Variants in WWOX observed in about 807,000 individuals in gnomAD.
The protein encoded by WWOX is WW domain-containing oxidoreductase.
In WWOX, 69 loss-of-function variants were observed where a neutral mutation model predicts 46.2. The ratio of observed to expected loss-of-function variants is 1.49; its 90% CI spans 1.23 to 1.82. The LOEUF (loss-of-function observed/expected upper bound fraction) is 1.82. WWOX is among the 40% of genes most tolerant of loss of function. The pLI, the probability that WWOX is intolerant of heterozygous loss-of-function variation, is 0.00. For synonymous variants in WWOX, 359 were observed against 202.6 expected (o/e 1.77, Z -6.56); for missense variants, 919 against 542.6 (o/e 1.69, Z -6.89).
At chr16:78,428,278 G>C (rs1000506052) in intron 7 of WWOX, among the ~76,000 whole-genome samples, 12 of 152,212 alleles carry the variant, frequency 7.9e-5, no homozygotes, top group African/African-American at 1.2e-4. Flanking sequence ...AGCATCTAAA[G>C]AGTTGTTTTA....
At chr16:78,404,465 A>G (rs902987266) in intron 6 of WWOX, among the ~76,000 whole-genome samples, 2 of 152,142 alleles carry the variant, frequency 1.3e-5, no homozygotes, top group East Asian at 3.9e-4. Flanking sequence ...TTCCCTCTTT[A>G]AATAATGCCA....
chr16:78,730,748 C>T (rs987665095), intron 8 of WWOX, among the ~76,000 whole-genome samples: 1 of 151,690 alleles, frequency 6.6e-6, no homozygotes, highest in African/African-American at 2.4e-5. Context: ...GTATAAACCA[C>T]CAACCCAGCC....
At chr16:78,903,985 A>G in intron 8 of WWOX, among the ~76,000 whole-genome samples, 1 of 152,082 alleles carries the variant, frequency 6.6e-6, no homozygotes, top group East Asian at 1.9e-4. Flanking sequence ...TGTGTAGTAA[A>G]TGGCTGCAGC....
At chr16:78,637,545 C>T (rs2046603631) in intron 8 of WWOX, among the ~76,000 whole-genome samples, 1 of 152,182 alleles carries the variant, frequency 6.6e-6, no homozygotes, top group Non-Finnish European at 1.5e-5. Flanking sequence ...GTCCACCTGA[C>T]ATTGGAAATT....
chr16:78,711,351 C>A (rs557742780), intron 8 of WWOX, among the ~76,000 whole-genome samples: 4 of 152,164 alleles, frequency 2.6e-5, no homozygotes, highest in Admixed American at 1.3e-4. Flanking sequence ...AATAGTTCTT[C>A]AAAAAATAGG....
intron 8 of WWOX, among the ~76,000 whole-genome samples, chr16:79,211,041 G>GTGTGTGTC (rs1407761937): frequency 6.9e-6 from 1 of 145,352 alleles, no homozygotes; most frequent in African/African-American, 2.8e-5. Context: ...AGGAGTGTGT[G>GTGTGTGTC]TGTGTGTGTG....
chr16:79,196,965 T>A (rs1450221569), intron 8 of WWOX, among the ~76,000 whole-genome samples: 1 of 152,074 alleles, frequency 6.6e-6, no homozygotes, highest in Non-Finnish European at 1.5e-5. Context: ...TGAAATGGGG[T>A]TATTATCTAC....
intron 5 of WWOX, among the ~76,000 whole-genome samples, chr16:78,266,728 C>T (rs981060484): frequency 6.6e-6 from 1 of 151,634 alleles, no homozygotes; most frequent in Non-Finnish European, 1.5e-5. Flanking sequence ...CTAAACTCAT[C>T]GCTTCCAACA....
intron 8 of WWOX, among the ~76,000 whole-genome samples, chr16:78,666,641 G>C (rs1597416243): frequency 6.6e-6 from 1 of 152,190 alleles, no homozygotes; most frequent in East Asian, 1.9e-4. Flanking sequence ...AACAAGATCT[G>C]CTGATTGGCA....
At chr16:78,126,945 A>G (rs940692108) in intron 4 of WWOX, among the ~76,000 whole-genome samples, 4 of 152,212 alleles carry the variant, frequency 2.6e-5, no homozygotes, top group Non-Finnish European at 5.9e-5. Flanking sequence ...GCATTCTCTC[A>G]TTTGATGAGC....
At chr16:78,987,380 C>T (rs1212707422) in intron 8 of WWOX, among the ~76,000 whole-genome samples, 1 of 152,150 alleles carries the variant, frequency 6.6e-6, no homozygotes, top group Non-Finnish European at 1.5e-5. Flanking sequence ...GAATATTTTC[C>T]TAGCAAAGGC....
In WWOX at chr16:78,424,960, T is replaced by A. The variant is rs569529954; in HGVS notation, c.696T>A (p.Asn232Lys). 3 of 1,614,170 alleles carry A rather than the reference T, an allele frequency of 1.9e-6. No individual in the cohort carries two copies. The highest frequency in any genetic ancestry group is 1.7e-5 in the Admixed American group (1 of 60,016). ...KDGLETTFQV[N>K]HLGHFYLVQL... is the part of the protein sequence containing the mutation. ...GCCTGGAGACCACCTTTCAAGTGAA[T>A]CATCTGGGGCACTTCTACCTTGTCC... The change falls in exon 7 of 9, where the codon AAT becomes AAA. Residue 232 changes from asparagine (N) to lysine (K), a missense_variant. Transcript: ENST00000566780.
intron 8 of WWOX, among the ~76,000 whole-genome samples, chr16:78,485,875 C>A (rs1712632925): frequency 6.6e-6 from 1 of 152,194 alleles, no homozygotes; most frequent in South Asian, 2.1e-4. Flanking sequence ...CAGCATGGAT[C>A]ACTTGGCGAC....
At chr16:78,425,088 C>T (rs180692241) in intron 7 of WWOX, 33 bp downstream of exon 7, 1 of 1,610,808 alleles carries the variant, frequency 6.2e-7, no homozygotes. Flanking sequence ...TTCACTTATC[C>T]CCTTTCTCAT....
At chr16:78,853,290 G>A (rs1191263463) in intron 8 of WWOX, among the ~76,000 whole-genome samples, 2 of 151,852 alleles carry the variant, frequency 1.3e-5, no homozygotes, top group Admixed American at 6.6e-5. Flanking sequence ...GCGTGATCTC[G>A]GCTCACTGCA....
rs530078253 is a variant in WWOX, at chr16:78,292,626, T to A, written c.517-94234T>A. ...AGATTATGTTCTATATCTTTTTTTTTTAAAAAAAAGGAAGAAAAATAAAGC... is the reference window on the plus strand; with the variant it reads ...AGATTATGTTCTATATCTTTTTTTTATAAAAAAAAGGAAGAAAAATAAAGC... On this transcript the variant is annotated intron_variant, in intron 5 of 8. Coordinates refer to ENST00000566780, the MANE Select transcript of WWOX (RefSeq NM_016373.4). Among the ~76,000 whole-genome samples the A allele has an allele frequency of 1.5e-3, 222 of 152,030 alleles. 1 individual carries two copies. In the South Asian group the frequency reaches 0.033, roughly 22 times the overall value.
intron 8 of WWOX, among the ~76,000 whole-genome samples, chr16:78,718,013 A>C (rs1369054585): frequency 3.3e-5 from 5 of 151,678 alleles, no homozygotes; most frequent in African/African-American, 4.9e-5. Flanking sequence ...TTGCTTGGGA[A>C]AGCACAATGG....
intron 8 of WWOX, among the ~76,000 whole-genome samples, chr16:79,032,122 GTA>G (rs1159528060): frequency 2.1e-5 from 3 of 143,846 alleles, no homozygotes; most frequent in African/African-American, 7.6e-5. Flanking sequence ...ATAAATATGT[GTA>G]TATATATATT....
intron 8 of WWOX, among the ~76,000 whole-genome samples, chr16:78,647,231 A>G (rs1454465880): frequency 1.3e-5 from 2 of 152,152 alleles, no homozygotes; most frequent in Non-Finnish European, 2.9e-5. Flanking sequence ...GAACACATGG[A>G]TCAGGACAGA....
Sources: allele counts gnomAD v4.1 joint callset (sites outside exome capture counted in the v4.1 genomes callset), GRCh38; gene constraint gnomAD v4.1.1; transcripts MANE v1.5; gene names NCBI Gene and HGNC (gene_info 2026-07-23, HGNC 2026-07-21).